MAP3K3: variants seen among roughly 807,000 people sequenced by gnomAD.
The protein encoded by MAP3K3 is MAP/ERK kinase kinase 3.
In MAP3K3, 12 loss-of-function variants were observed where a neutral mutation model predicts 80.9. That is an observed-to-expected ratio of 0.15 (90% CI 0.10 to 0.24). MAP3K3 has a LOEUF of 0.24. Ranked by LOEUF, MAP3K3 falls within the 10% of genes least tolerant of loss-of-function variation. The pLI, the probability that MAP3K3 is intolerant of heterozygous loss-of-function variation, is 1.00. For missense variants in MAP3K3, 596 were observed against 834.7 expected (o/e 0.71, Z 3.52); for synonymous variants, 272 against 307.1 (o/e 0.89, Z 1.19).
intron 3 of MAP3K3, among the ~76,000 whole-genome samples, chr17:63,650,420 G>A (rs2143327177): frequency 6.6e-6 from 1 of 152,152 alleles, no homozygotes; most frequent in South Asian, 2.1e-4. Flanking sequence ...TCCTGCTTCA[G>A]CCTCCCAAGT....
intron 3 of MAP3K3, among the ~76,000 whole-genome samples, chr17:63,647,417 C>T (rs1305520502): frequency 6.6e-6 from 1 of 152,214 alleles, no homozygotes; most frequent in Non-Finnish European, 1.5e-5. Flanking sequence ...ATCAAAAGCA[C>T]AATTGTGTTG....
chr17:63,642,385 G>A (rs1261521637), intron 2 of MAP3K3, among the ~76,000 whole-genome samples: 2 of 152,066 alleles, frequency 1.3e-5, no homozygotes, highest in Non-Finnish European at 2.9e-5. Flanking sequence ...CCAGGGCTGG[G>A]GCAGTGGCTC....
intron 2 of MAP3K3, among the ~76,000 whole-genome samples, chr17:63,636,212 C>G (rs2034320235): frequency 6.6e-6 from 1 of 152,120 alleles, no homozygotes; most frequent in South Asian, 2.1e-4. Flanking sequence ...AGTAAACAAG[C>G]TTGGTAAGTA....
rs529285779 is a variant in MAP3K3, at chr17:63,694,102, C to T, written c.*325C>T. The T allele has an allele frequency of 1.5e-5, 4 of 267,964 alleles. No individual in the cohort carries two copies. The highest frequency in any genetic ancestry group is 1.1e-4 in the Admixed American group (2 of 18,216). The allele number at this position is 267,964 out of a possible 1,614,324, so 16.6% of individuals were successfully genotyped here. Reference sequence around the variant, plus strand: ...TGTGTCCTGACACTGCAATTGGCACCGAAGCCCAGAGGGTCTGGGGGCACA... The same window carrying T: ...TGTGTCCTGACACTGCAATTGGCACTGAAGCCCAGAGGGTCTGGGGGCACA... On this transcript the variant is annotated 3_prime_UTR_variant, in exon 16 of 16. Coordinates refer to ENST00000361733, the MANE Select transcript of MAP3K3 (RefSeq NM_002401.5).
chr17:63,665,768 G>A (rs768027016), intron 5 of MAP3K3, among the ~76,000 whole-genome samples: 1 of 152,136 alleles, frequency 6.6e-6, no homozygotes, highest in Non-Finnish European at 1.5e-5. Context: ...CTGACTTCCC[G>A]TTAGAGCAAG....
intron 2 of MAP3K3, among the ~76,000 whole-genome samples, chr17:63,635,808 C>G (rs546881804): frequency 6.6e-6 from 1 of 152,094 alleles, no homozygotes; most frequent in Non-Finnish European, 1.5e-5. Flanking sequence ...AAAGTCCATG[C>G]TTAGGAAGAG....
chr17:63,693,422 A>T lies in MAP3K3; in HGVS notation c.1653-127A>T. On this transcript the variant is annotated intron_variant, in intron 15 of 15. Transcript: ENST00000361733. The surrounding 1 kb of genome is among the most constrained non-coding windows in gnomAD (Gnocchi z 4.2). ...CGTGGACAGACATCCAAGCTGAGGT[A>T]TCCCTCAGCTTGGCCTGTCCTGCAC... 3 of 714,308 alleles carry T rather than the reference A, an allele frequency of 4.2e-6. No individual in the cohort carries two copies. The highest frequency in any genetic ancestry group is 7.0e-6 in the Non-Finnish European group (3 of 426,140). 44.2% of individuals were successfully genotyped at this position (714,308 alleles called of 1,614,324 possible).
Position 63,689,988 on chromosome 17 carries a change from A to G in MAP3K3, c.1063+253A>G, listed in dbSNP as rs2035550299. 1.0e-5 allele frequency: 6 copies of G among 577,930 alleles called. No individual in the cohort carries two copies. The highest frequency in any genetic ancestry group is 3.2e-5 in the Admixed American group (1 of 31,484). The allele number at this position is 577,930 out of a possible 1,614,324, so 35.8% of individuals were successfully genotyped here. A position where few individuals can be genotyped will look rare whatever the true frequency, so the allele number is the denominator to read the frequency against. On this transcript the variant is annotated intron_variant, in intron 11 of 15. Transcript: ENST00000361733. This position sits in a 1 kb window ranked among gnomAD's most constrained non-coding sequence, Gnocchi z 4.3. ...GCACACCCTTCATCCCTGCCATATT[A>G]AGATATTTAGGGGCTTTGGAAGGAA...
At chr17:63,627,358 A>G (rs915051324) in intron 1 of MAP3K3, among the ~76,000 whole-genome samples, 2 of 152,064 alleles carry the variant, frequency 1.3e-5, no homozygotes, top group Non-Finnish European at 2.9e-5. Context: ...AGTGTGTCAG[A>G]CCACTCCCAC....
At chr17:63,631,720 G>A (rs1281617890) in intron 1 of MAP3K3, among the ~76,000 whole-genome samples, 3 of 152,174 alleles carry the variant, frequency 2.0e-5, no homozygotes, top group African/African-American at 4.8e-5. Flanking sequence ...AAGAAAAGGG[G>A]ATTAAAAGTA....
At chr17:63,670,102 CAA>C (rs112482349) in intron 6 of MAP3K3, among the ~76,000 whole-genome samples, 5 of 127,922 alleles carry the variant, frequency 3.9e-5, no homozygotes, top group Non-Finnish European at 5.0e-5. Context: ...GACCCTGTCT[CAA>C]AAAAAAAAAA....
In MAP3K3 at chr17:63,694,110, A is replaced by G. The variant is rs908945897; in HGVS notation, c.*333A>G. ...GACACTGCAATTGGCACCGAAGCCCAGAGGGTCTGGGGGCACAAGACTGAC... is the reference window on the plus strand; with the variant it reads ...GACACTGCAATTGGCACCGAAGCCCGGAGGGTCTGGGGGCACAAGACTGAC... On this transcript the variant is annotated 3_prime_UTR_variant, in exon 16 of 16. Coordinates refer to ENST00000361733, the MANE Select transcript of MAP3K3 (RefSeq NM_002401.5). The G allele has an allele frequency of 3.8e-6, 1 of 262,600 alleles. No homozygotes were observed. The highest frequency in any genetic ancestry group is 2.2e-5 in the African/African-American group (1 of 44,876). 16.3% of individuals were successfully genotyped at this position (262,600 alleles called of 1,614,324 possible).
intron 5 of MAP3K3, among the ~76,000 whole-genome samples, chr17:63,661,358 C>T (rs1472248352): frequency 6.6e-6 from 1 of 152,120 alleles, no homozygotes; most frequent in East Asian, 1.9e-4. Flanking sequence ...GTCTCTTTGT[C>T]TGAAAAGCCT....
chr17:63,633,322 A>T (rs954871789), intron 2 of MAP3K3, among the ~76,000 whole-genome samples: 13 of 152,040 alleles, frequency 8.6e-5, no homozygotes, highest in Admixed American at 1.3e-4. Context: ...TGTTATGGGG[A>T]CAGTATTCAT....
chr17:63,665,285 C>T (rs569108679), intron 5 of MAP3K3, among the ~76,000 whole-genome samples: 1 of 152,084 alleles, frequency 6.6e-6, no homozygotes, highest in South Asian at 2.1e-4. Context: ...TCTGCCTCAG[C>T]CTCCTGAGTA....
chr17:63,650,557 C>T (rs2034628813), intron 3 of MAP3K3, among the ~76,000 whole-genome samples: 1 of 152,020 alleles, frequency 6.6e-6, no homozygotes, highest in South Asian at 2.1e-4. Context: ...CCCACCGCAG[C>T]CTCCCAAAGC....
chr17:63,653,052 T>A (rs2034691999), intron 4 of MAP3K3, among the ~76,000 whole-genome samples: 1 of 152,150 alleles, frequency 6.6e-6, no homozygotes, highest in Admixed American at 6.6e-5. Context: ...AGTGAGTAGG[T>A]CATCTATTAC....
intron 5 of MAP3K3, among the ~76,000 whole-genome samples, chr17:63,660,838 C>T (rs928287494): frequency 1.3e-5 from 2 of 152,086 alleles, no homozygotes; most frequent in African/African-American, 4.8e-5. Context: ...TCAGGTGATC[C>T]GCCTGTCTCG....
At chr17:63,663,655 A>G (rs2034940821) in intron 5 of MAP3K3, among the ~76,000 whole-genome samples, 1 of 152,240 alleles carries the variant, frequency 6.6e-6, no homozygotes, top group African/African-American at 2.4e-5. Flanking sequence ...ATTGAGCATT[A>G]TCTTAGAACA....
Sources: gnomAD v4.1 joint callset for allele counts (sites outside exome capture counted in the v4.1 genomes callset) on GRCh38, gnomAD v4.1.1 for gene constraint, Gnocchi (gnomAD v3.1) non-coding constraint, MANE v1.5 for transcripts, NCBI Gene and HGNC (gene_info 2026-07-23, HGNC 2026-07-21) for gene names.